USH2A: variants seen among roughly 807,000 people sequenced by gnomAD.
USH2A encodes usherin.
In USH2A, 443 loss-of-function variants were observed where a neutral mutation model predicts 538.9. The observed-to-expected ratio is 0.82, with a 90% CI of 0.76 to 0.89. The LOEUF (loss-of-function observed/expected upper bound fraction) is 0.89, where lower values mean the gene tolerates loss of function less well. Among genes scored for constraint, USH2A ranks in the 40% least tolerant of loss-of-function variants. The pLI, the probability that USH2A is intolerant of heterozygous loss-of-function variation, is 0.00. For missense variants in USH2A, 6,633 were observed against 6,324.8 expected (o/e 1.05, Z -1.65); for synonymous variants, 2,413 against 2,273.5 (o/e 1.06, Z -1.75).
At chr1:215,843,824 T>A (rs1214173973) in intron 46 of USH2A, among the ~76,000 whole-genome samples, 2 of 152,200 alleles carry the variant, frequency 1.3e-5, no homozygotes, top group African/African-American at 4.8e-5. Flanking sequence ...TAGAATGTTT[T>A]AAGACATCTA....
intron 37 of USH2A, among the ~76,000 whole-genome samples, chr1:215,958,145 CA>C (rs1667114684): frequency 6.6e-6 from 1 of 151,668 alleles, no homozygotes; most frequent in South Asian, 2.1e-4. Flanking sequence ...ATTTTTTTTC[CA>C]TCTTGTAATT....
intron 61 of USH2A, among the ~76,000 whole-genome samples, chr1:215,723,197 T>A (rs1303112675): frequency 3.9e-5 from 6 of 152,108 alleles, no homozygotes; most frequent in Admixed American, 2.6e-4. Flanking sequence ...TACATAGAGA[T>A]GAGTAGGGAG....
intron 9 of USH2A, among the ~76,000 whole-genome samples, chr1:216,305,075 T>G (rs1275367441): frequency 6.6e-6 from 1 of 152,144 alleles, no homozygotes; most frequent in Non-Finnish European, 1.5e-5. Context: ...CTTTGTTGAC[T>G]TTCTGTCTTG....
intron 9 of USH2A, among the ~76,000 whole-genome samples, chr1:216,305,450 A>G (rs2037298194): frequency 6.6e-6 from 1 of 152,098 alleles, no homozygotes; most frequent in Non-Finnish European, 1.5e-5. Flanking sequence ...TTGCTTGGTG[A>G]GTTCTTATCC....
intron 11 of USH2A, among the ~76,000 whole-genome samples, chr1:216,266,234 A>G (rs1287892871): frequency 1.3e-5 from 2 of 152,208 alleles, no homozygotes; most frequent in African/African-American, 4.8e-5. Context: ...AAAAAGGCTC[A>G]CCACATGCTG....
chr1:216,130,581 TA>T (rs1460363861), intron 21 of USH2A, among the ~76,000 whole-genome samples: 2 of 146,386 alleles, frequency 1.4e-5, no homozygotes, highest in East Asian at 2.0e-4. Flanking sequence ...ATATAATATA[TA>T]ATACACATTA....
At chr1:216,093,428 CA>C (rs111838234) in intron 22 of USH2A, among the ~76,000 whole-genome samples, 18,260 of 152,198 alleles carry the variant, frequency 0.12, 1,221 homozygotes, top group Middle Eastern at 0.18. Flanking sequence ...AAATGATGGG[CA>C]AATGCCCTGT....
chr1:216,325,608 G>C lies in USH2A; in HGVS notation c.849-9C>G, dbSNP rs2037717333. 18 of 1,612,164 alleles carry C rather than the reference G, an allele frequency of 1.1e-5. No individual in the cohort carries two copies. The Middle Eastern group carries it at 5.0e-4, about 44-fold the overall frequency. On this transcript the variant is annotated splice_polypyrimidine_tract_variant and intron_variant, in intron 5 of 71. Transcript: ENST00000307340. ...AGACTTCCAGAATCTCTCTGTGGGA[G>C]TCAAGAGGGAGACTGTAAGGACAAA...
At chr1:216,119,016 G>C (rs537669469) in intron 21 of USH2A, among the ~76,000 whole-genome samples, 14 of 152,232 alleles carry the variant, frequency 9.2e-5, no homozygotes, top group African/African-American at 3.4e-4. Flanking sequence ...ACAAAGGACT[G>C]GCTACATTCT....
At chr1:216,333,257 C>T (rs770194218) in intron 4 of USH2A, among the ~76,000 whole-genome samples, 12 of 151,568 alleles carry the variant, frequency 7.9e-5, no homozygotes, top group Non-Finnish European at 1.8e-4. Flanking sequence ...CCCTGGGAAA[C>T]GTAGTGAGAC....
chr1:216,095,812 T>C (rs992349785), intron 22 of USH2A, among the ~76,000 whole-genome samples: 2 of 152,170 alleles, frequency 1.3e-5, no homozygotes, highest in Non-Finnish European at 2.9e-5. Context: ...CTAAGGTCAA[T>C]GGATCTCCAG....
intron 9 of USH2A, among the ~76,000 whole-genome samples, chr1:216,305,316 A>G (rs978112588): frequency 6.6e-6 from 1 of 152,100 alleles, no homozygotes; most frequent in Non-Finnish European, 1.5e-5. Context: ...TTTGTCTGAT[A>G]TAAGAATAGC....
At chr1:215,777,657 C>T (rs752837693) in intron 55 of USH2A, among the ~76,000 whole-genome samples, 40 of 152,260 alleles carry the variant, frequency 2.6e-4, no homozygotes, top group African/African-American at 6.0e-4. Context: ...CTTCCCTGTA[C>T]GTGAGAGGAT....
intron 40 of USH2A, 101 bp downstream of exon 40, chr1:215,899,974 G>A (rs1665445742): frequency 6.5e-7 from 1 of 1,548,052 alleles, no homozygotes; most frequent in Non-Finnish European, 8.9e-7. Flanking sequence ...TAAACAACAA[G>A]TAAATAAGGG....
chr1:215,681,611 A>G (rs1174193207), intron 61 of USH2A, among the ~76,000 whole-genome samples: 1 of 152,218 alleles, frequency 6.6e-6, no homozygotes, highest in African/African-American at 2.4e-5. Context: ...GCATCCAAAT[A>G]TCATTTTGGA....
At chr1:216,196,450 A>C (rs2034845993) in intron 19 of USH2A, 103 bp downstream of exon 19, 1 of 1,323,166 alleles carries the variant, frequency 7.6e-7, no homozygotes, top group Non-Finnish European at 1.1e-6. Context: ...CTGTTTAATC[A>C]ATATAGAGGG....
chr1:215,715,686 G>A (rs1051102244), intron 61 of USH2A, among the ~76,000 whole-genome samples: 2 of 152,190 alleles, frequency 1.3e-5, no homozygotes, highest in African/African-American at 4.8e-5. Flanking sequence ...TTATGTTTAT[G>A]TAATTCTGAC....
chr1:216,139,548 G>A (rs17026167), intron 21 of USH2A, among the ~76,000 whole-genome samples: 9,281 of 152,116 alleles, frequency 0.061, 362 homozygotes, highest in East Asian at 0.18. Flanking sequence ...ATAACAATCA[G>A]TGTTTTATCA....
intron 44 of USH2A, among the ~76,000 whole-genome samples, chr1:215,855,553 T>G (rs1211039638): frequency 1.3e-5 from 2 of 152,258 alleles, no homozygotes; most frequent in African/African-American, 4.8e-5. Flanking sequence ...ATCAATATTG[T>G]GAAAATGATC....
Sources: allele counts gnomAD v4.1 joint callset (sites outside exome capture counted in the v4.1 genomes callset), GRCh38; gene constraint gnomAD v4.1.1; transcripts MANE v1.5; gene names NCBI Gene and HGNC (gene_info 2026-07-23, HGNC 2026-07-21).